The following SLC6A11 variants were observed in gnomAD, a reference collection of about 807,000 sequenced individuals.
The protein encoded by SLC6A11 is sodium- and chloride-dependent GABA transporter 3.
A neutral mutation model predicts 74.8 loss-of-function variants in SLC6A11; 25 were observed. The observed-to-expected ratio is 0.33, with a 90% CI of 0.24 to 0.47. The LOEUF is 0.47. Ranked by LOEUF, SLC6A11 falls within the 20% of genes least tolerant of loss-of-function variation. The pLI, the probability that SLC6A11 is intolerant of heterozygous loss-of-function variation, is 1.00. For missense variants in SLC6A11, 574 were observed against 837.0 expected, an observed-to-expected ratio of 0.69 and a Z score of 3.88; for synonymous variants, 330 against 330.2, an observed-to-expected ratio of 1.00 and a Z score of 0.01.
At chr3:10,842,934 A>G (rs772132584) in intron 4 of SLC6A11, among the ~76,000 whole-genome samples, 4 of 152,172 alleles carry the variant, frequency 2.6e-5, no homozygotes, top group South Asian at 2.1e-4. Flanking sequence ...TCAGGCCCCA[A>G]GCGGATTCCC....
chr3:10,896,384 A>G (rs529634323), intron 6 of SLC6A11, among the ~76,000 whole-genome samples: 2 of 152,318 alleles, frequency 1.3e-5, no homozygotes, highest in East Asian at 3.9e-4. Flanking sequence ...TGCACACTCT[A>G]CAAACCTAGT....
In SLC6A11 at chr3:10,831,259, T is replaced by C. The variant is rs114405560; in HGVS notation, c.623+7867T>C. 2.1e-3 allele frequency among the ~76,000 whole-genome samples: 317 copies of C among 152,246 alleles called. 1 individual carries two copies. Among genetic ancestry groups the C allele is most frequent in the African/African-American group, 7.4e-3 (306 of 41,534 alleles). On this transcript the variant is annotated intron_variant, in intron 4 of 13. Transcript: ENST00000254488. The stretch of plus-strand genomic sequence containing the variant: ...CCGCGGCACTGGGGCTGCACATAAG[T>C]TTTGTCCCCAAATCCTACTTCTGAA...
At chr3:10,896,220 G>C (rs1017687005) in intron 6 of SLC6A11, among the ~76,000 whole-genome samples, 3 of 152,228 alleles carry the variant, frequency 2.0e-5, no homozygotes, top group Admixed American at 6.5e-5. Context: ...TCTGAGGCCA[G>C]CTCCTCCCAG....
intron 7 of SLC6A11, among the ~76,000 whole-genome samples, chr3:10,917,466 G>A (rs879204346): frequency 2.0e-5 from 3 of 152,200 alleles, no homozygotes; most frequent in Admixed American, 2.0e-4. Flanking sequence ...ATAAAATGGG[G>A]TATTAACATG....
At chr3:10,906,010 A>C (rs1174891156) in intron 6 of SLC6A11, among the ~76,000 whole-genome samples, 2 of 152,172 alleles carry the variant, frequency 1.3e-5, no homozygotes, top group African/African-American at 4.8e-5. Flanking sequence ...ATGTAGCCCT[A>C]GACTTTCCAT....
intron 6 of SLC6A11, among the ~76,000 whole-genome samples, chr3:10,902,097 T>A (rs1695247949): frequency 6.6e-6 from 1 of 152,140 alleles, no homozygotes; most frequent in Non-Finnish European, 1.5e-5. Flanking sequence ...TGTGTGTGTG[T>A]GTGTGTGTGG....
intron 8 of SLC6A11, among the ~76,000 whole-genome samples, chr3:10,923,853 T>C (rs573452095): frequency 3.8e-5 from 2 of 52,942 alleles, no homozygotes; most frequent in Non-Finnish European, 7.0e-5. Flanking sequence ...GTAATAATAT[T>C]GATTGACATG....
intron 4 of SLC6A11, chr3:10,825,381 G>T (rs1694195504): frequency 6.6e-6 from 1 of 151,982 alleles, no homozygotes; most frequent in Non-Finnish European, 1.5e-5. Context: ...TGTTTTGTCT[G>T]TTTTTTGCTA....
chr3:10,899,982 C>A (rs1204802049), intron 6 of SLC6A11, among the ~76,000 whole-genome samples: 23 of 152,220 alleles, frequency 1.5e-4, no homozygotes, highest in Admixed American at 1.4e-3. Context: ...CTATGTCTGA[C>A]AGGTGGTGGA....
chr3:10,908,254 G>A (rs1247046495), intron 6 of SLC6A11, among the ~76,000 whole-genome samples: 1 of 152,186 alleles, frequency 6.6e-6, no homozygotes, highest in African/African-American at 2.4e-5. Flanking sequence ...AGATTGACTT[G>A]TAAGTATTAA....
At chr3:10,842,675 T>C (rs111399965) in intron 4 of SLC6A11, among the ~76,000 whole-genome samples, 89 of 147,788 alleles carry the variant, frequency 6.0e-4, no homozygotes, top group African/African-American at 2.4e-3. Flanking sequence ...GATGCTTACC[T>C]TTTTTTATCC....
At chr3:10,924,200 A>T (rs1036426782) in intron 8 of SLC6A11, among the ~76,000 whole-genome samples, 6 of 152,238 alleles carry the variant, frequency 3.9e-5, no homozygotes, top group Admixed American at 2.6e-4. Flanking sequence ...TAATGGTATT[A>T]TACCAATATT....
intron 6 of SLC6A11, among the ~76,000 whole-genome samples, chr3:10,904,878 A>G (rs1486114476): frequency 1.3e-5 from 2 of 152,176 alleles, no homozygotes; most frequent in Admixed American, 1.3e-4. Flanking sequence ...TCCACTTCTG[A>G]AAAAATGGAG....
intron 4 of SLC6A11, among the ~76,000 whole-genome samples, chr3:10,828,153 G>A (rs1417215711): frequency 6.6e-6 from 1 of 152,158 alleles, no homozygotes; most frequent in Non-Finnish European, 1.5e-5. Context: ...GCATCAGATG[G>A]ACATTGATTC....
At chr3:10,870,081 A>C (rs914974618) in intron 5 of SLC6A11, among the ~76,000 whole-genome samples, 1 of 151,922 alleles carries the variant, frequency 6.6e-6, no homozygotes, top group Non-Finnish European at 1.5e-5. Context: ...GCCTGATCCA[A>C]CCTCTCCTAT....
At chr3:10,854,893 A>G (rs1694619732) in intron 5 of SLC6A11, among the ~76,000 whole-genome samples, 1 of 152,232 alleles carries the variant, frequency 6.6e-6, no homozygotes, top group Non-Finnish European at 1.5e-5. Flanking sequence ...CCTGGTGCTG[A>G]ACCAGGTGCC....
intron 11 of SLC6A11, among the ~76,000 whole-genome samples, chr3:10,933,509 C>G (rs374207618): frequency 6.6e-6 from 1 of 152,192 alleles, no homozygotes. Flanking sequence ...TCAGTTTTCC[C>G]CTTTGTAAAA....
chr3:10,899,370 T>C (rs757679316), intron 6 of SLC6A11, among the ~76,000 whole-genome samples: 1 of 152,218 alleles, frequency 6.6e-6, no homozygotes, highest in Non-Finnish European at 1.5e-5. Context: ...TAAATTTGAA[T>C]GTGTTCCCAT....
In SLC6A11 at chr3:10,909,657, G is replaced by A. The variant is rs190719785; in HGVS notation, c.892-2433G>A. 1.2e-3 allele frequency among the ~76,000 whole-genome samples: 184 copies of A among 152,302 alleles called. 1 individual carries two copies. Among genetic ancestry groups the A allele is most frequent in the African/African-American group, 4.0e-3 (168 of 41,560 alleles). Reference sequence around the variant, plus strand: ...TAACAAGTGTGACTGGAGGCCCAGTGTCTGGTCAGGCACTGAGTAGCTCTA... The same window carrying A: ...TAACAAGTGTGACTGGAGGCCCAGTATCTGGTCAGGCACTGAGTAGCTCTA... On this transcript the variant is annotated intron_variant, in intron 6 of 13. Transcript: ENST00000254488.
Sources: gnomAD v4.1 joint callset for allele counts (sites outside exome capture counted in the v4.1 genomes callset) on GRCh38, gnomAD v4.1.1 for gene constraint, MANE v1.5 for transcripts, NCBI Gene and HGNC (gene_info 2026-07-23, HGNC 2026-07-21) for gene names.